Variants in CTNND2 observed in about 807,000 individuals in gnomAD.
The protein encoded by CTNND2 is catenin delta 2, also known as catenin delta-2.
A neutral mutation model predicts 144.4 loss-of-function variants in CTNND2; 22 were observed. The observed-to-expected ratio is 0.15, with a 90% CI of 0.11 to 0.22. The LOEUF (loss-of-function observed/expected upper bound fraction) is 0.22. CTNND2 is among the 10% of genes least tolerant of loss of function. The pLI is 1.00. For synonymous variants in CTNND2, 751 were observed against 695.6 expected, an observed-to-expected ratio of 1.08 and a Z score of -1.25; for missense variants, 1,353 against 1,618.8, an observed-to-expected ratio of 0.84 and a Z score of 2.82.
intron 8 of CTNND2, among the ~76,000 whole-genome samples, chr5:11,355,316 A>C (rs1395686316): frequency 6.6e-6 from 1 of 152,156 alleles, no homozygotes; most frequent in Non-Finnish European, 1.5e-5. Flanking sequence ...GTTCACTATG[A>C]TCAAATAGGA....
intron 10 of CTNND2, among the ~76,000 whole-genome samples, chr5:11,217,613 T>C (rs1739330928): frequency 6.6e-6 from 1 of 152,158 alleles, no homozygotes; most frequent in African/African-American, 2.4e-5. Context: ...TACATTTAAT[T>C]AGAGAGTTTT....
chr5:11,480,100 T>C, intron 3 of CTNND2, among the ~76,000 whole-genome samples: 1 of 152,220 alleles, frequency 6.6e-6, no homozygotes, highest in African/African-American at 2.4e-5. Context: ...ATGTCCAGAA[T>C]GGTATTGCCT....
intron 2 of CTNND2, among the ~76,000 whole-genome samples, chr5:11,716,153 A>T (rs559550822): frequency 2.6e-5 from 4 of 152,194 alleles, no homozygotes; most frequent in Admixed American, 1.3e-4. Flanking sequence ...CTTGACAGCC[A>T]CTCATAAGGG....
intron 14 of CTNND2, among the ~76,000 whole-genome samples, chr5:11,106,092 A>T (rs1752403009): frequency 6.6e-6 from 1 of 152,240 alleles, no homozygotes; most frequent in African/African-American, 2.4e-5. Context: ...GATAATAAAA[A>T]ATCAAGTCCA....
chr5:11,485,983 A>G (rs1351485459), intron 3 of CTNND2, among the ~76,000 whole-genome samples: 5 of 152,230 alleles, frequency 3.3e-5, no homozygotes, highest in Non-Finnish European at 5.9e-5. Context: ...TGCAAAGTAT[A>G]TAATGAAGAG....
intron 12 of CTNND2, among the ~76,000 whole-genome samples, chr5:11,142,609 T>TA (rs1491285965): frequency 7.4e-6 from 1 of 135,134 alleles, no homozygotes; most frequent in East Asian, 2.2e-4. Flanking sequence ...ATTTAAACTC[T>TA]TTTTTTTTTT....
intron 16 of CTNND2, among the ~76,000 whole-genome samples, chr5:11,033,327 T>C (rs1743692586): frequency 6.6e-6 from 1 of 152,242 alleles, no homozygotes; most frequent in African/African-American, 2.4e-5. Context: ...TGCTGGGGAT[T>C]CTTCTGTTGT....
intron 5 of CTNND2, among the ~76,000 whole-genome samples, chr5:11,404,636 T>TA (rs1760937952): frequency 7.2e-6 from 1 of 139,754 alleles, no homozygotes; most frequent in South Asian, 2.4e-4. Context: ...TTTTTTTTTT[T>TA]AGACAAAGTC....
intron 7 of CTNND2, among the ~76,000 whole-genome samples, chr5:11,368,083 T>C (rs1374786866): frequency 6.6e-6 from 1 of 152,176 alleles, no homozygotes; most frequent in Non-Finnish European, 1.5e-5. Context: ...GCTTGAAGAC[T>C]CACAGCTGAA....
chr5:11,394,283 C>G (rs1307891945), intron 6 of CTNND2, among the ~76,000 whole-genome samples: 4 of 152,216 alleles, frequency 2.6e-5, no homozygotes, highest in Non-Finnish European at 4.4e-5. Context: ...ATCATGTCTA[C>G]TTTCTTTACT....
chr5:11,643,379 TC>T (rs1367399446), intron 2 of CTNND2, among the ~76,000 whole-genome samples: 3 of 102,444 alleles, frequency 2.9e-5, no homozygotes, highest in African/African-American at 8.3e-5. Flanking sequence ...ATGCTATCCC[TC>T]CCCCCTCCCC....
chr5:11,627,451 T>C (rs1220344601), intron 2 of CTNND2, among the ~76,000 whole-genome samples: 1 of 152,154 alleles, frequency 6.6e-6, no homozygotes, highest in Non-Finnish European at 1.5e-5. Flanking sequence ...ACCATGATTC[T>C]ATAGTATAAC....
chr5:11,359,934 GGA>G lies in CTNND2; in HGVS notation c.1372+4760_1372+4761del, dbSNP rs1305446606. Among the ~76,000 whole-genome samples the G allele has an allele frequency of 3.9e-5, 6 of 152,256 alleles. No individual in the cohort carries two copies. In the South Asian group the frequency reaches 1.2e-3, roughly 32 times the overall value. On this transcript the variant is annotated intron_variant, in intron 8 of 21. Coordinates refer to ENST00000304623, the MANE Select transcript of CTNND2 (RefSeq NM_001332.4). ...TCACCATCCACAAGCCTGGAGTAGAGGAGAGGTGAGGAGTAGGACTTGGGTAC... is the reference window on the plus strand; with the variant it reads ...TCACCATCCACAAGCCTGGAGTAGAGGAGGTGAGGAGTAGGACTTGGGTAC...
intron 1 of CTNND2, among the ~76,000 whole-genome samples, chr5:11,752,945 G>A (rs1428544129): frequency 1.3e-5 from 2 of 151,788 alleles, no homozygotes; most frequent in African/African-American, 2.4e-5. Flanking sequence ...TGGCTATTGT[G>A]AATGGGGTTG....
intron 8 of CTNND2, among the ~76,000 whole-genome samples, chr5:11,346,999 G>A (rs1205645671): frequency 6.6e-6 from 1 of 152,170 alleles, no homozygotes. Flanking sequence ...AGAAGATTCA[G>A]AATGTGTTCC....
At position 11,232,915 on chromosome 5, in the gene CTNND2, C is replaced by G. The variant is rs145657896; in HGVS notation, c.1761+3776G>C. ...TGGATCATGTGGGCGGTTCCCCCTA[C>G]TGCTGTTCTCATGATAGTGAGTGAG... On this transcript the variant is annotated intron_variant, in intron 10 of 21. Coordinates refer to ENST00000304623, the MANE Select transcript of CTNND2 (RefSeq NM_001332.4). Among the ~76,000 whole-genome samples the G allele has an allele frequency of 4.6e-5, 7 of 152,292 alleles. No homozygotes were observed. In the East Asian group the frequency reaches 1.4e-3, roughly 29 times the overall value.
At chr5:11,116,617 C>T (rs1753572797) in intron 13 of CTNND2, among the ~76,000 whole-genome samples, 2 of 152,192 alleles carry the variant, frequency 1.3e-5, no homozygotes, top group African/African-American at 4.8e-5. Context: ...TGAACTAAGA[C>T]ACTGAATAGA....
intron 3 of CTNND2, among the ~76,000 whole-genome samples, chr5:11,435,794 G>A (rs1763718315): frequency 6.6e-6 from 1 of 152,140 alleles, no homozygotes; most frequent in Admixed American, 6.5e-5. Context: ...AGGGACTTTA[G>A]GAACACAGTT....
chr5:11,258,316 C>A (rs535053942), intron 9 of CTNND2, among the ~76,000 whole-genome samples: 16 of 152,266 alleles, frequency 1.1e-4, no homozygotes, highest in African/African-American at 3.4e-4. Context: ...GCTGGATGGG[C>A]CCCTGCTCTC....
Sources: allele counts gnomAD v4.1 joint callset (sites outside exome capture counted in the v4.1 genomes callset), GRCh38; gene constraint gnomAD v4.1.1; transcripts MANE v1.5; gene names NCBI Gene and HGNC (gene_info 2026-07-23, HGNC 2026-07-21).